The following PCID2 variants were observed in gnomAD, a reference collection of about 807,000 sequenced individuals.
PCID2 encodes PCI domain-containing protein 2.
Under a neutral mutation model 61.3 loss-of-function variants are expected in PCID2, and 41 were observed. The ratio of observed to expected loss-of-function variants is 0.67; its 90% CI spans 0.52 to 0.87. The LOEUF (loss-of-function observed/expected upper bound fraction) is 0.87. PCID2 is among the 40% of genes least tolerant of loss of function. The pLI is 0.00. For synonymous variants in PCID2, 187 were observed against 177.8 expected (o/e 1.05, Z -0.41); for missense variants, 392 against 493.4 (o/e 0.79, Z 1.95).
downstream of PCID2, among the ~76,000 whole-genome samples, chr13:113,175,688 C>T (rs1019869669): frequency 1.3e-5 from 2 of 152,230 alleles, no homozygotes; most frequent in African/African-American, 4.8e-5. Flanking sequence ...CTTGCTGCTG[C>T]TGGGGAGCAG....
At chr13:113,185,603 A>G in intron 7 of PCID2, 43 bp from the exon 8 acceptor site, 2 of 1,270,694 alleles carry the variant, frequency 1.6e-6, no homozygotes, top group Non-Finnish European at 2.3e-6. Flanking sequence ...GGAAATAAAA[A>G]TTTTATTTAT....
downstream of PCID2, among the ~76,000 whole-genome samples, chr13:113,173,518 T>G (rs2037148341): frequency 6.6e-6 from 1 of 152,038 alleles, no homozygotes; most frequent in Non-Finnish European, 1.5e-5. Context: ...AATATTCTCT[T>G]GAGTTGAGAA....
At chr13:113,187,064 G>C (rs1318314085) in intron 7 of PCID2, 1 of 152,078 alleles carries the variant, frequency 6.6e-6, no homozygotes, top group Admixed American at 6.5e-5. Flanking sequence ...CATTCCCTAC[G>C]TGCATGACCT....
rs1423984763 is a variant in PCID2 at position 113,178,127 on chromosome 13, G to A, written c.*71C>T. ...TTCAGGGAGCCTTGTTGCAGTACCGGACCGGTCTCATCAGCACAACCAAAG... is the reference window on the plus strand; with the variant it reads ...TTCAGGGAGCCTTGTTGCAGTACCGAACCGGTCTCATCAGCACAACCAAAG... On this transcript the variant is annotated 3_prime_UTR_variant, in exon 14 of 14. Coordinates refer to ENST00000337344, the MANE Select transcript of PCID2 (RefSeq NM_001127202.4). 8.9e-7 allele frequency: 1 copy of A among 1,119,880 alleles called. No homozygotes were observed. Among genetic ancestry groups the A allele is most frequent in the Non-Finnish European group, 1.4e-6 (1 of 740,156 alleles). The allele number at this position is 1,119,880 out of a possible 1,614,324, so 69.4% of individuals were successfully genotyped here.
Position 113,198,222 on chromosome 13 carries a change from G to C in PCID2, c.169C>G (p.Pro57Ala). The change falls in exon 3 of 14, where the codon CCT (proline) becomes GCT (alanine). Residue 57 changes from proline (P) to alanine (A), a missense_variant. Coordinates refer to ENST00000337344, the MANE Select transcript of PCID2 (RefSeq NM_001127202.4). ...EEKCQQVLEP[P>A]YDEMFAAHLR... Reference sequence around the variant, plus strand: ...TGAGCTGCAAACATTTCATCATAAGGGGGTTCCAAGACTTGTTGACACTTC... The same window carrying C: ...TGAGCTGCAAACATTTCATCATAAGCGGGTTCCAAGACTTGTTGACACTTC... 6.2e-7 allele frequency: 1 copy of C among 1,608,248 alleles called. No homozygotes were observed. The highest frequency in any genetic ancestry group is 8.5e-7 in the Non-Finnish European group (1 of 1,177,678).
At chr13:113,174,380 G>A (rs564758247), downstream of PCID2, among the ~76,000 whole-genome samples, 4 of 152,304 alleles carry the variant, frequency 2.6e-5, no homozygotes, top group East Asian at 7.7e-4. Context: ...GACATGAGGG[G>A]CCTTCAAAAT....
At position 113,200,372 on chromosome 13, in the gene PCID2, A is replaced by G. The variant is rs2039327603; in HGVS notation, c.126+55T>C. On this transcript the variant is annotated intron_variant, in intron 2 of 13. Coordinates refer to ENST00000337344, the MANE Select transcript of PCID2 (RefSeq NM_001127202.4). Reference sequence around the variant, plus strand: ...TCAAACTCTACGCTTCTCTTAGGAAAGTGGTTACCCTGTAATTGTCTGCAG... The same window carrying G: ...TCAAACTCTACGCTTCTCTTAGGAAGGTGGTTACCCTGTAATTGTCTGCAG... 3 of 988,906 alleles carry G rather than the reference A, an allele frequency of 3.0e-6. No homozygotes were observed. In the East Asian group the frequency reaches 7.2e-5, roughly 24 times the overall value. The allele number at this position is 988,906 out of a possible 1,614,324, so 61.3% of individuals were successfully genotyped here.
intron 6 of PCID2, among the ~76,000 whole-genome samples, chr13:113,192,755 C>T (rs1159795093): frequency 6.6e-6 from 1 of 152,190 alleles, no homozygotes; most frequent in East Asian, 1.9e-4. Flanking sequence ...GGAGGTGCTG[C>T]ATGGCTCAGT....
chr13:113,196,101 T>C (rs977948408), intron 5 of PCID2, 80 bp downstream of exon 5: 8 of 1,055,894 alleles, frequency 7.6e-6, no homozygotes, highest in Non-Finnish European at 1.0e-5. Context: ...ACAATACACA[T>C]TTATTTAAAG....
In PCID2 at chr13:113,196,229, T is replaced by C. The variant is rs749575196; in HGVS notation, c.267-7A>G. The C allele has an allele frequency of 1.1e-5, 17 of 1,588,716 alleles. No individual in the cohort carries two copies. Among genetic ancestry groups the C allele is most frequent in the Admixed American group, 1.7e-5 (1 of 59,882 alleles). ...GAATGCTCGCAAGAATGATGTACTGTATTAAGGAAGATATGGCATACAAAG... is the reference window on the plus strand; with the variant it reads ...GAATGCTCGCAAGAATGATGTACTGCATTAAGGAAGATATGGCATACAAAG... On this transcript the variant is annotated splice_polypyrimidine_tract_variant and splice_region_variant and intron_variant, in intron 4 of 13. Coordinates refer to ENST00000337344, the MANE Select transcript of PCID2 (RefSeq NM_001127202.4).
downstream of PCID2, among the ~76,000 whole-genome samples, chr13:113,175,044 G>A (rs112633434): frequency 5.9e-3 from 903 of 152,308 alleles, 13 homozygotes; most frequent in African/African-American, 0.02. Flanking sequence ...GGCGTCTAAC[G>A]AGAGCTGATG....
chr13:113,183,905 AC>A lies in PCID2; in HGVS notation c.685+440del, dbSNP rs945159503. The A allele has an allele frequency of 3.0e-6, 3 of 985,286 alleles. No individual in the cohort carries two copies. The African/African-American group carries it at 5.2e-5, about 17-fold the overall frequency. The allele number at this position is 985,286 out of a possible 1,614,324, so 61.0% of individuals were successfully genotyped here. On this transcript the variant is annotated intron_variant, in intron 9 of 13. Coordinates refer to ENST00000337344, the MANE Select transcript of PCID2 (RefSeq NM_001127202.4). ...AGGCTGTTTAAACGAGAGCTTTGAC[AC>A]CAGGTCCAAGGGCATATCCCCTGCT... is the stretch of plus-strand genomic sequence containing the variant.
At chr13:113,200,900 A>G (rs1006962460) in intron 1 of PCID2, among the ~76,000 whole-genome samples, 5 of 152,242 alleles carry the variant, frequency 3.3e-5, no homozygotes, top group Admixed American at 1.3e-4. Context: ...ACAACATAGC[A>G]AGACCCGTCT....
At chr13:113,177,298 C>T (rs1029352654), downstream of PCID2, among the ~76,000 whole-genome samples, 1 of 152,156 alleles carries the variant, frequency 6.6e-6, no homozygotes, top group South Asian at 2.1e-4. Context: ...CCACCACGCC[C>T]GGCTAATTTT....
intron 1 of PCID2, among the ~76,000 whole-genome samples, chr13:113,202,874 G>A (rs920203268): frequency 6.6e-6 from 1 of 152,048 alleles, no homozygotes; most frequent in African/African-American, 2.4e-5. Context: ...AAAATAGAAA[G>A]ACAAACCTTA....
intron 1 of PCID2, among the ~76,000 whole-genome samples, chr13:113,207,103 C>G (rs999877682): frequency 3.9e-5 from 6 of 152,254 alleles, no homozygotes; most frequent in Admixed American, 2.6e-4. Flanking sequence ...TGACGACTTT[C>G]AGCAAGTAGG....
At chr13:113,175,298 C>G (rs2037169499), downstream of PCID2, among the ~76,000 whole-genome samples, 1 of 152,144 alleles carries the variant, frequency 6.6e-6, no homozygotes, top group Admixed American at 6.5e-5. Flanking sequence ...AATAACCATC[C>G]AATTACCTTA....
At chr13:113,189,441 C>A (rs940012660) in intron 7 of PCID2, among the ~76,000 whole-genome samples, 1 of 151,886 alleles carries the variant, frequency 6.6e-6, no homozygotes, top group Non-Finnish European at 1.5e-5. Flanking sequence ...TCCTTTATAG[C>A]AACACAAGAG....
At chr13:113,207,438 G>T (rs7991372) in intron 1 of PCID2, among the ~76,000 whole-genome samples, 140,909 of 152,144 alleles carry the variant, frequency 0.93, 66,218 homozygotes, top group East Asian at 1. Flanking sequence ...TAAATAAACT[G>T]ATATTGGAAA....
Sources: allele counts gnomAD v4.1 joint callset (sites outside exome capture counted in the v4.1 genomes callset), GRCh38; gene constraint gnomAD v4.1.1; transcripts MANE v1.5; gene names NCBI Gene and HGNC (gene_info 2026-07-23, HGNC 2026-07-21).